The following ELMO1 variants were observed in gnomAD, a reference collection of about 807,000 sequenced individuals.
The protein encoded by ELMO1 is engulfment and cell motility protein 1.
In ELMO1, 26 loss-of-function variants were observed where a neutral mutation model predicts 98.9. The observed-to-expected ratio is 0.26, with a 90% CI of 0.19 to 0.36. ELMO1 has a LOEUF of 0.36. Ranked by LOEUF, ELMO1 falls within the 10% of genes least tolerant of loss-of-function variation. ELMO1 has a pLI of 1.00. For missense variants in ELMO1, 627 were observed against 935.2 expected (o/e 0.67, Z 4.30); for synonymous variants, 346 against 346.0 (o/e 1.00, Z 0.00).
At chr7:36,997,136 AG>A (rs762076097) in intron 16 of ELMO1, among the ~76,000 whole-genome samples, 67 of 152,236 alleles carry the variant, frequency 4.4e-4, no homozygotes, top group Admixed American at 1.9e-3. Context: ...GGTGGCGGGA[AG>A]GCAGGATACA....
chr7:37,235,380 C>A (rs1404031785), intron 7 of ELMO1, among the ~76,000 whole-genome samples: 1 of 152,166 alleles, frequency 6.6e-6, no homozygotes, highest in Non-Finnish European at 1.5e-5. Flanking sequence ...TAACATACAG[C>A]ATGAGCAGTA....
At chr7:37,446,221 G>C (rs918024184) in intron 1 of ELMO1, among the ~76,000 whole-genome samples, 1 of 152,190 alleles carries the variant, frequency 6.6e-6, no homozygotes, top group Non-Finnish European at 1.5e-5. Context: ...ATTGAGCACC[G>C]ACATCATGCT....
intron 1 of ELMO1, among the ~76,000 whole-genome samples, chr7:37,405,964 C>T (rs867723990): frequency 6.6e-6 from 1 of 152,292 alleles, no homozygotes; most frequent in South Asian, 2.1e-4. Flanking sequence ...ACTTGCTTCC[C>T]TTATCAGTAA....
intron 16 of ELMO1, among the ~76,000 whole-genome samples, chr7:36,970,726 TTC>T (rs1789868254): frequency 6.6e-6 from 1 of 152,242 alleles, no homozygotes; most frequent in African/African-American, 2.4e-5. Flanking sequence ...GCTTCCTGTC[TTC>T]TCTTTTCCTC....
chr7:37,217,684 G>A lies in ELMO1; in HGVS notation c.781-989C>T, dbSNP rs117556253. On this transcript the variant is annotated intron_variant, in intron 10 of 21. Transcript: ENST00000310758. ...CACAGGAGAGCAGGGCCCACTTTAC[G>A]CTAACAAAGGGAACGTGGGTGACTT... 2,918 of 456,986 alleles carry A rather than the reference G, an allele frequency of 6.4e-3. 14 individuals are homozygous for A. The highest frequency in any genetic ancestry group is 0.014 in the Middle Eastern group (43 of 3,072). The allele number at this position is 456,986 out of a possible 1,614,324, so 28.3% of individuals were successfully genotyped here. A position where few individuals can be genotyped will look rare whatever the true frequency, so the allele number is the denominator to read the frequency against.
At chr7:37,329,756 C>A (rs1338571741) in intron 2 of ELMO1, among the ~76,000 whole-genome samples, 4 of 152,168 alleles carry the variant, frequency 2.6e-5, no homozygotes, top group African/African-American at 9.7e-5. Flanking sequence ...CTCAGAACTA[C>A]CCTTAGCACT....
At chr7:36,997,740 C>T in intron 16 of ELMO1, 1 of 152,610 alleles carries the variant, frequency 6.6e-6, no homozygotes, top group Non-Finnish European at 1.5e-5. Flanking sequence ...GGGGAGGAGG[C>T]AGTGGTAGGA....
At chr7:37,440,852 A>C (rs1016905435) in intron 1 of ELMO1, among the ~76,000 whole-genome samples, 1 of 151,766 alleles carries the variant, frequency 6.6e-6, no homozygotes, top group Non-Finnish European at 1.5e-5. Context: ...AGCCTTACTG[A>C]GTGTTATTGG....
chr7:37,022,172 T>C (rs747369927), intron 15 of ELMO1, among the ~76,000 whole-genome samples: 5 of 152,192 alleles, frequency 3.3e-5, no homozygotes, highest in African/African-American at 4.8e-5. Context: ...TAAGAATATA[T>C]TCATGACTTT....
At chr7:37,266,975 T>G (rs2130829601) in intron 5 of ELMO1, among the ~76,000 whole-genome samples, 1 of 144,676 alleles carries the variant, frequency 6.9e-6, no homozygotes, top group East Asian at 2.0e-4. Context: ...ATTGTGCCAC[T>G]ATACTCCAGC....
rs185172508 is a variant in ELMO1, at chr7:36,896,389, T to A, written c.1438-1372A>T. On this transcript the variant is annotated intron_variant, in intron 16 of 21. Transcript: ENST00000310758. Reference sequence around the variant, plus strand: ...TTTCTTGCCTTCCGTGAACTAATGGTCTCATAAGAAAGGTGGACATGGCCA... The same window carrying A: ...TTTCTTGCCTTCCGTGAACTAATGGACTCATAAGAAAGGTGGACATGGCCA... 7.9e-5 allele frequency among the ~76,000 whole-genome samples: 12 copies of A among 152,270 alleles called. No individual in the cohort carries two copies. The East Asian group carries it at 2.1e-3, about 27-fold the overall frequency.
chr7:37,224,887 G>A lies in ELMO1; in HGVS notation c.693C>T (p.His231=), dbSNP rs778646313. 1 of 1,613,928 alleles carries A rather than the reference G, an allele frequency of 6.2e-7. No individual in the cohort carries two copies. Among genetic ancestry groups the A allele is most frequent in the Non-Finnish European group, 8.5e-7 (1 of 1,179,904 alleles). ...CATCTTGGCATGCTTACCCTTGCAG[G>A]TGTGGAATGAGCTGGCCGATGGTGA... ...QEITIGQLIP[H]LQGSDQEIQT... The change falls in exon 9 of 22, where the codon CAC becomes CAT. Residue 231 remains histidine (H), a synonymous_variant. Transcript: ENST00000310758.
chr7:37,328,159 G>C (rs953553103), intron 2 of ELMO1, among the ~76,000 whole-genome samples: 2 of 152,118 alleles, frequency 1.3e-5, no homozygotes, highest in Non-Finnish European at 2.9e-5. Context: ...TAGGTGCGCA[G>C]ATCACTTGAG....
chr7:37,399,946 T>C (rs1411526392), intron 1 of ELMO1, among the ~76,000 whole-genome samples: 2 of 152,202 alleles, frequency 1.3e-5, no homozygotes, highest in African/African-American at 4.8e-5. Flanking sequence ...TACTAGTTCC[T>C]TTCCCCCTGC....
intron 16 of ELMO1, among the ~76,000 whole-genome samples, chr7:36,936,060 T>C (rs982936990): frequency 6.6e-6 from 1 of 152,168 alleles, no homozygotes; most frequent in African/African-American, 2.4e-5. Flanking sequence ...CCTGAGTGAA[T>C]GCTGACCACC....
intron 1 of ELMO1, among the ~76,000 whole-genome samples, chr7:37,433,078 C>T (rs892705969): frequency 1.3e-5 from 2 of 152,184 alleles, no homozygotes; most frequent in Non-Finnish European, 2.9e-5. Context: ...TCTCCAACAC[C>T]CAGAGGCTCC....
chr7:37,115,830 T>C (rs531943191), intron 14 of ELMO1, among the ~76,000 whole-genome samples: 26 of 151,822 alleles, frequency 1.7e-4, no homozygotes, highest in Non-Finnish European at 1.5e-5. Context: ...TGATTGTCTA[T>C]GTAGAAAATT....
chr7:37,107,739 A>T (rs1480004805), intron 14 of ELMO1, among the ~76,000 whole-genome samples: 2 of 152,370 alleles, frequency 1.3e-5, no homozygotes, highest in East Asian at 1.9e-4. Context: ...CTGCTGTCTT[A>T]AAGCAAAGTT....
intron 13 of ELMO1, among the ~76,000 whole-genome samples, chr7:37,200,273 G>C (rs1695807782): frequency 7.2e-6 from 1 of 139,510 alleles, no homozygotes; most frequent in South Asian, 2.2e-4. Flanking sequence ...AGAGACAAGA[G>C]TGTGACTTTA....
Sources: allele counts gnomAD v4.1 joint callset (sites outside exome capture counted in the v4.1 genomes callset), GRCh38; gene constraint gnomAD v4.1.1; transcripts MANE v1.5; gene names NCBI Gene and HGNC (gene_info 2026-07-23, HGNC 2026-07-21).